Variants in C3orf20 observed in about 807,000 individuals in gnomAD.
The protein encoded by C3orf20 is family with sequence similarity 149 member C, also known as uncharacterized protein C3orf20.
In C3orf20, 76 loss-of-function variants were observed where a neutral mutation model predicts 88.3. That is an observed-to-expected ratio of 0.86 (90% confidence interval 0.72 to 1.04). The LOEUF is 1.04. Ranked by LOEUF, C3orf20 falls within the 50% of genes least tolerant of loss-of-function variation. C3orf20 has a pLI of 0.00. For missense variants in C3orf20, 1,056 were observed against 1,123.3 expected (o/e 0.94, Z 0.86); for synonymous variants, 436 against 437.4 (o/e 1.00, Z 0.04).
intron 5 of C3orf20, among the ~76,000 whole-genome samples, chr3:14,692,815 G>A (rs1186328667): frequency 6.6e-6 from 1 of 152,144 alleles, no homozygotes; most frequent in African/African-American, 2.4e-5. Flanking sequence ...CCACTCCAAC[G>A]TCCTGGAGAG....
At chr3:14,763,208 A>G (rs1448459603) in intron 15 of C3orf20, among the ~76,000 whole-genome samples, 1 of 152,182 alleles carries the variant, frequency 6.6e-6, no homozygotes, top group Non-Finnish European at 1.5e-5. Flanking sequence ...ATTTTCAGAA[A>G]CATTCAGAAG....
chr3:14,757,708 C>G (rs989975045), intron 13 of C3orf20, 34 bp downstream of exon 13: 1 of 1,586,286 alleles, frequency 6.3e-7, no homozygotes, highest in African/African-American at 1.3e-5. Context: ...GCCCTGGAGG[C>G]CAGGGGCAGG....
At chr3:14,766,390 C>T (rs1226090675) in intron 15 of C3orf20, among the ~76,000 whole-genome samples, 3 of 152,206 alleles carry the variant, frequency 2.0e-5, no homozygotes, top group East Asian at 1.9e-4. Flanking sequence ...GGAGCTCTGA[C>T]ACCTGGTAGG....
At position 14,743,912 on chromosome 3, in the gene C3orf20, C is replaced by T. The variant is rs146499893; in HGVS notation, c.1941-13459C>T. Among the ~76,000 whole-genome samples, 5 of 152,132 alleles carry T rather than the reference C, an allele frequency of 3.3e-5. No individual in the cohort carries two copies. In the East Asian group the frequency reaches 9.6e-4, roughly 29 times the overall value. On this transcript the variant is annotated intron_variant, in intron 12 of 16. Transcript: ENST00000253697. ...GGACCCTGGGCCCAGCCCACGAAACCACTTTTTCCTCCTGGGCCTCCAGGC... is the reference window on the plus strand; with the variant it reads ...GGACCCTGGGCCCAGCCCACGAAACTACTTTTTCCTCCTGGGCCTCCAGGC...
chr3:14,759,435 A>G (rs2035489749), intron 13 of C3orf20, among the ~76,000 whole-genome samples: 1 of 152,044 alleles, frequency 6.6e-6, no homozygotes, highest in Non-Finnish European at 1.5e-5. Context: ...CCCTGGATAT[A>G]GTGACTGGGA....
At chr3:14,739,076 C>A (rs893858401) in intron 12 of C3orf20, among the ~76,000 whole-genome samples, 3 of 152,124 alleles carry the variant, frequency 2.0e-5, no homozygotes, top group Non-Finnish European at 4.4e-5. Context: ...CAGGCATGAG[C>A]CACTGTGCCT....
chr3:14,772,342 A>G lies in C3orf20; in HGVS notation c.2630+141A>G. The G allele has an allele frequency of 9.4e-7, 1 of 1,064,820 alleles. No homozygotes were observed. Among genetic ancestry groups the G allele is most frequent in the East Asian group, 2.5e-5 (1 of 39,454 alleles). 66.0% of individuals were successfully genotyped at this position (1,064,820 alleles called of 1,614,324 possible). A position where few individuals can be genotyped will look rare whatever the true frequency, so the allele number is the denominator to read the frequency against. ...CGCTGACATCTAGCCCATGTAATCA[A>G]CACAATATTGGGCGGGCATGCAGGC... On this transcript the variant is annotated intron_variant, in intron 16 of 16. Transcript: ENST00000253697. The surrounding 1 kb of genome is among the most constrained non-coding windows in gnomAD (Gnocchi z 4.2).
chr3:14,738,319 C>T (rs2034786112), intron 12 of C3orf20, among the ~76,000 whole-genome samples: 1 of 151,652 alleles, frequency 6.6e-6, no homozygotes, highest in South Asian at 2.1e-4. Flanking sequence ...AGGCATCTTC[C>T]ACCATGCCCA....
At chr3:14,730,459 A>G (rs2034503830) in intron 12 of C3orf20, among the ~76,000 whole-genome samples, 1 of 152,060 alleles carries the variant, frequency 6.6e-6, no homozygotes, top group African/African-American at 2.4e-5. Context: ...AGGCAGGAGA[A>G]TGGCGTGAAC....
At chr3:14,721,087 A>C (rs990210857) in intron 9 of C3orf20, among the ~76,000 whole-genome samples, 10 of 152,152 alleles carry the variant, frequency 6.6e-5, no homozygotes, top group Admixed American at 3.9e-4. Context: ...TTTTCCACCC[A>C]TCTTTGGCTC....
rs2034161695 is a variant in C3orf20, at chr3:14,721,592, G to A, written c.1435-61G>A. ...GGGCTTTGTGCTTCGTGGTGGGTCA[G>A]GAAGGGGTGGCTGGGGCCGTTGAAG... is the stretch of plus-strand genomic sequence containing the variant. On this transcript the variant is annotated intron_variant, in intron 9 of 16. Coordinates refer to ENST00000253697, the MANE Select transcript of C3orf20 (RefSeq NM_032137.5). The A allele has an allele frequency of 2.5e-6, 4 of 1,596,130 alleles. No individual in the cohort carries two copies. In the East Asian group the frequency reaches 9.0e-5, roughly 36 times the overall value.
intron 15 of C3orf20, among the ~76,000 whole-genome samples, chr3:14,771,550 A>G (rs1328853756): frequency 6.6e-6 from 1 of 152,210 alleles, no homozygotes; most frequent in Non-Finnish European, 1.5e-5. Context: ...GCATTCTCCC[A>G]AATTTCCCCT....
At chr3:14,741,049 A>G (rs954050445) in intron 12 of C3orf20, among the ~76,000 whole-genome samples, 1 of 152,124 alleles carries the variant, frequency 6.6e-6, no homozygotes, top group Non-Finnish European at 1.5e-5. Flanking sequence ...TGTATGAAAA[A>G]CCGTAGACAT....
At chr3:14,747,443 C>T (rs1177785268) in intron 12 of C3orf20, among the ~76,000 whole-genome samples, 5 of 152,120 alleles carry the variant, frequency 3.3e-5, no homozygotes, top group Admixed American at 6.6e-5. Context: ...TATCTAGCCT[C>T]AGTTTATAGG....
chr3:14,735,110 A>AT (rs2034664783), intron 12 of C3orf20, among the ~76,000 whole-genome samples: 1 of 151,374 alleles, frequency 6.6e-6, no homozygotes. Flanking sequence ...AGAATTATAT[A>AT]TTTTTTGTTT....
intron 9 of C3orf20, among the ~76,000 whole-genome samples, chr3:14,717,836 A>C (rs2033996218): frequency 6.6e-6 from 1 of 151,846 alleles, no homozygotes; most frequent in African/African-American, 2.4e-5. Flanking sequence ...TTTTTGCTGG[A>C]TATGATTCTG....
intron 5 of C3orf20, among the ~76,000 whole-genome samples, chr3:14,693,317 CA>C (rs2032824684): frequency 1.3e-5 from 2 of 152,122 alleles, no homozygotes; most frequent in South Asian, 4.1e-4. Flanking sequence ...TTGGGTAGTA[CA>C]GACATTTTAA....
In C3orf20 at chr3:14,682,326, C is replaced by G. The variant is rs1248008416; in HGVS notation, c.-142C>G. 1 of 173,630 alleles carries G rather than the reference C, an allele frequency of 5.8e-6. No homozygotes were observed. The highest frequency in any genetic ancestry group is 1.2e-5 in the Non-Finnish European group (1 of 81,394). The allele number at this position is 173,630 out of a possible 1,614,324, so 10.8% of individuals were successfully genotyped here. ...TCTTTCACCCTCGGATCTCTAGCTA[C>G]AAAAGGTGCAATGGGACCTTTCTCT... On this transcript the variant is annotated 5_prime_UTR_variant, in exon 2 of 17. It introduces an in-frame stop codon into an upstream open reading frame of the 5' UTR. Coordinates refer to ENST00000253697, the MANE Select transcript of C3orf20 (RefSeq NM_032137.5).
chr3:14,689,344 C>CT (rs1245520118), intron 4 of C3orf20, among the ~76,000 whole-genome samples: 2 of 152,224 alleles, frequency 1.3e-5, no homozygotes, highest in African/African-American at 4.8e-5. Context: ...TTGCCATTTT[C>CT]TTTTTGAATT....
Sources: allele counts gnomAD v4.1 joint callset (sites outside exome capture counted in the v4.1 genomes callset), GRCh38; gene constraint gnomAD v4.1.1; non-coding constraint Gnocchi (gnomAD v3.1); transcripts MANE v1.5; gene names NCBI Gene and HGNC (gene_info 2026-07-23, HGNC 2026-07-21).